Variants in MCTP2 observed in about 807,000 individuals in gnomAD.
MCTP2 encodes multiple C2 and transmembrane domain containing 2, also known as multiple C2 and transmembrane domain-containing protein 2.
A neutral mutation model predicts 111.6 loss-of-function variants in MCTP2; 132 were observed. That is an observed-to-expected ratio of 1.18 (90% confidence interval 1.03 to 1.37). The LOEUF (loss-of-function observed/expected upper bound fraction) is 1.37, where lower values mean the gene tolerates loss of function less well. Ranked by LOEUF, MCTP2 falls within the 40% of genes most tolerant of loss-of-function variation. The pLI is 0.00. For synonymous variants in MCTP2, 395 were observed against 387.7 expected, an observed-to-expected ratio of 1.02 and a Z score of -0.22; for missense variants, 1,183 against 1,067.9, an observed-to-expected ratio of 1.11 and a Z score of -1.50.
rs549215161 is a variant in MCTP2 at position 94,254,496 on chromosome 15, A to G, written c.-66+22832A>G. 2.6e-5 allele frequency among the ~76,000 whole-genome samples: 4 copies of G among 152,348 alleles called. No individual in the cohort carries two copies. In the South Asian group the frequency reaches 8.3e-4, roughly 32 times the overall value. On this transcript the variant is annotated intron_variant, in intron 1 of 22. Transcript: ENST00000357742. ...TCTGTTAACATTTGTGAGGAATTAG[A>G]AAACTCATGGACAAGAAGACAGTGC... is the stretch of plus-strand genomic sequence containing the variant.
intron 20 of MCTP2, among the ~76,000 whole-genome samples, chr15:94,461,817 G>A (rs893471059): frequency 6.6e-6 from 1 of 152,166 alleles, no homozygotes; most frequent in Non-Finnish European, 1.5e-5. Flanking sequence ...TTTGATTCCA[G>A]TTAAGTGGTT....
intron 1 of MCTP2, among the ~76,000 whole-genome samples, chr15:94,243,202 C>T (rs940343590): frequency 5.5e-5 from 8 of 145,760 alleles, no homozygotes; most frequent in African/African-American, 2.0e-4. Flanking sequence ...TATACGTATG[C>T]GTATATACGT....
At chr15:94,253,481 T>G (rs1198859408) in intron 1 of MCTP2, among the ~76,000 whole-genome samples, 1 of 152,160 alleles carries the variant, frequency 6.6e-6, no homozygotes, top group Non-Finnish European at 1.5e-5. Context: ...GTCCCTTCAT[T>G]GTCATTCTAG....
chr15:94,470,312 A>G (rs1012566716), intron 20 of MCTP2, 21 bp from the exon 21 acceptor site: 8 of 1,504,558 alleles, frequency 5.3e-6, no homozygotes, highest in Non-Finnish European at 7.4e-6. Context: ...AGGAAATTAT[A>G]TTTATGTGGT....
At chr15:94,266,356 G>T (rs1321997522) in intron 1 of MCTP2, among the ~76,000 whole-genome samples, 1 of 151,984 alleles carries the variant, frequency 6.6e-6, no homozygotes, top group East Asian at 1.9e-4. Context: ...ATAATTATTT[G>T]TCTGTCTCCT....
chr15:94,340,943 T>C lies in MCTP2; in HGVS notation c.969+19T>C, dbSNP rs543187785. 3.4e-6 allele frequency: 5 copies of C among 1,482,192 alleles called. No homozygotes were observed. In the East Asian group the frequency reaches 1.1e-4, roughly 34 times the overall value. 91.8% of individuals were successfully genotyped at this position (1,482,192 alleles called of 1,614,324 possible). ...GAGACACGTAAGTGGGACCTTCTAT[T>C]CTTTTGAAACCTCTCATTTTGTCGT... On this transcript the variant is annotated intron_variant, in intron 7 of 22. Coordinates refer to ENST00000357742, the MANE Select transcript of MCTP2 (RefSeq NM_001385001.1).
intron 4 of MCTP2, among the ~76,000 whole-genome samples, chr15:94,334,183 G>C (rs1056307776): frequency 2.0e-5 from 3 of 152,166 alleles, no homozygotes; most frequent in Non-Finnish European, 2.9e-5. Context: ...AAGTATATTG[G>C]ATCATTCAGT....
At chr15:94,478,921 C>G in intron 22 of MCTP2, 45 bp from the exon 23 acceptor site, 1 of 1,587,742 alleles carries the variant, frequency 6.3e-7, no homozygotes, top group Non-Finnish European at 8.6e-7. Context: ...CTGTGGCGAG[C>G]TAGGGTTACC....
intron 12 of MCTP2, among the ~76,000 whole-genome samples, chr15:94,373,673 C>G (rs2079603203): frequency 6.6e-6 from 1 of 152,114 alleles, no homozygotes; most frequent in African/African-American, 2.4e-5. Flanking sequence ...TTCTTTGGAG[C>G]CTGTCTCTCT....
intron 12 of MCTP2, among the ~76,000 whole-genome samples, chr15:94,379,920 T>C (rs938277520): frequency 1.4e-5 from 2 of 147,358 alleles, no homozygotes; most frequent in Non-Finnish European, 3.0e-5. Flanking sequence ...TAATATAATA[T>C]ATATAATATA....
chr15:94,460,793 C>T lies in MCTP2; in HGVS notation c.2360+2547C>T, dbSNP rs2085148439. On this transcript the variant is annotated intron_variant, in intron 20 of 22. Transcript: ENST00000357742. ...AGAGTACTGTTCTGCCCAGCTGCAGCACAGGAAGGCTGCTAAGGCTCAACT... is the reference window on the plus strand; with the variant it reads ...AGAGTACTGTTCTGCCCAGCTGCAGTACAGGAAGGCTGCTAAGGCTCAACT... Among the ~76,000 whole-genome samples the T allele has an allele frequency of 1.3e-5, 2 of 152,192 alleles. 1 individual carries two copies. The highest frequency in any genetic ancestry group is 4.1e-4 in the South Asian group (2 of 4,828).
chr15:94,359,372 G>A (rs1359816423), intron 10 of MCTP2, among the ~76,000 whole-genome samples: 1 of 152,202 alleles, frequency 6.6e-6, no homozygotes, highest in Non-Finnish European at 1.5e-5. Context: ...CAAACACCAA[G>A]TAGTTTTCTC....
rs147022321 is a variant in MCTP2 at position 94,288,287 on chromosome 15, A to T, written c.-65-9914A>T. On this transcript the variant is annotated intron_variant, in intron 1 of 22. Transcript: ENST00000357742. ...GTATCACAGGAGACAGCTGAGAAGG[A>T]AGGGCTTGGGAAATGATCAAATACA... Among the ~76,000 whole-genome samples, 6 of 152,326 alleles carry T rather than the reference A, an allele frequency of 3.9e-5. No individual in the cohort carries two copies. In the East Asian group the frequency reaches 1.2e-3, roughly 29 times the overall value.
intron 17 of MCTP2, chr15:94,402,632 A>T: frequency 6.5e-7 from 1 of 1,546,612 alleles, no homozygotes; most frequent in Admixed American, 2.0e-5. Context: ...AGAGCCCAAG[A>T]ATCTTGGAAG....
intron 2 of MCTP2, among the ~76,000 whole-genome samples, chr15:94,308,860 C>T (rs1227667853): frequency 6.6e-6 from 1 of 152,110 alleles, no homozygotes; most frequent in Non-Finnish European, 1.5e-5. Context: ...AAGCAAGCGG[C>T]GGGCTGGATT....
chr15:94,443,325 G>C (rs1182812242), intron 19 of MCTP2, among the ~76,000 whole-genome samples: 1 of 152,146 alleles, frequency 6.6e-6, no homozygotes, highest in African/African-American at 2.4e-5. Context: ...GCACTCTGTG[G>C]GGTGGTCACC....
intron 17 of MCTP2, among the ~76,000 whole-genome samples, chr15:94,413,278 T>TA (rs567223335): frequency 8.5e-5 from 13 of 152,080 alleles, no homozygotes; most frequent in Admixed American, 5.9e-4. Context: ...ATTACATTAG[T>TA]AAAAAAAATT....
At chr15:94,368,603 A>G (rs1473076604) in intron 11 of MCTP2, among the ~76,000 whole-genome samples, 1 of 152,200 alleles carries the variant, frequency 6.6e-6, no homozygotes, top group African/African-American at 2.4e-5. Context: ...TAATTGAATA[A>G]TTCTGTATCT....
chr15:94,365,075 C>T (rs2079116420), intron 10 of MCTP2, among the ~76,000 whole-genome samples: 1 of 152,162 alleles, frequency 6.6e-6, no homozygotes, highest in Non-Finnish European at 1.5e-5. Flanking sequence ...CATACTGGTT[C>T]ATGTGGTGGG....
Sources: allele counts gnomAD v4.1 joint callset (sites outside exome capture counted in the v4.1 genomes callset), GRCh38; gene constraint gnomAD v4.1.1; transcripts MANE v1.5; gene names NCBI Gene and HGNC (gene_info 2026-07-23, HGNC 2026-07-21).